The following RPSA2 variants were observed in gnomAD, a reference collection of about 807,000 sequenced individuals.
RPSA2 encodes the protein small ribosomal subunit protein uS2B.
chr19:23,865,233 G>T, the RPSA2 span, among the ~76,000 whole-genome samples: 2 of 152,168 alleles, frequency 1.3e-5, no homozygotes, highest in Non-Finnish European at 2.9e-5. Context: ...CGGTACCATG[G>T]GGCAGCATTT....
chr19:23,845,249 T>A, the RPSA2 span, among the ~76,000 whole-genome samples: 36 of 103,960 alleles, frequency 3.5e-4, no homozygotes, highest in African/African-American at 1.2e-3. Flanking sequence ...TTGGTTTTTA[T>A]TTCATTTGGT....
the RPSA2 span, chr19:23,833,104 A>G: frequency 3.0e-4 from 373 of 1,255,766 alleles, 3 homozygotes; most frequent in African/African-American, 5.2e-3. Context: ...AAGCTTTACT[A>G]AACATAAGGT....
chr19:23,857,104 C>G, the RPSA2 span, among the ~76,000 whole-genome samples: 1 of 152,102 alleles, frequency 6.6e-6, no homozygotes, highest in Non-Finnish European at 1.5e-5. Flanking sequence ...GTTTATAGAC[C>G]TCCCCCCAGG....
the RPSA2 span, among the ~76,000 whole-genome samples, chr19:23,855,863 C>T: frequency 1.3e-5 from 2 of 151,970 alleles, no homozygotes; most frequent in Non-Finnish European, 2.9e-5. Context: ...AGTTTGGTCC[C>T]AGAGCCATTA....
chr19:23,768,270 G>T, the RPSA2 span, among the ~76,000 whole-genome samples: 3 of 152,076 alleles, frequency 2.0e-5, no homozygotes, highest in Admixed American at 1.3e-4. Context: ...AGAGAAATAG[G>T]AAAAATCTTT....
At chr19:23,845,706 C>A in the RPSA2 span, among the ~76,000 whole-genome samples, 2 of 152,130 alleles carry the variant, frequency 1.3e-5, no homozygotes, top group African/African-American at 2.4e-5. Context: ...TTGCTCAGGC[C>A]GTCTCAAACT....
chr19:23,867,271 C>T, the RPSA2 span, among the ~76,000 whole-genome samples: 1 of 152,208 alleles, frequency 6.6e-6, no homozygotes, highest in South Asian at 2.1e-4. Context: ...GTAGGAGCAG[C>T]TCAAAGTGTT....
the RPSA2 span, among the ~76,000 whole-genome samples, chr19:23,822,240 T>A: frequency 6.6e-6 from 1 of 152,240 alleles, no homozygotes; most frequent in Admixed American, 6.5e-5. Flanking sequence ...TTGCAGGCGC[T>A]GAAGCTGGGT....
chr19:23,861,128 C>A, the RPSA2 span, among the ~76,000 whole-genome samples: 1 of 152,200 alleles, frequency 6.6e-6, no homozygotes, highest in Non-Finnish European at 1.5e-5. Context: ...TTACTTCACT[C>A]ATATCACATG....
At chr19:23,832,934 C>G in the RPSA2 span, 52 of 1,517,188 alleles carry the variant, frequency 3.4e-5, no homozygotes, top group East Asian at 1.3e-3. Flanking sequence ...TCAAGCTTTA[C>G]TAAACATAAG....
chr19:23,839,302 C>T, the RPSA2 span, among the ~76,000 whole-genome samples: 1 of 152,152 alleles, frequency 6.6e-6, no homozygotes, highest in African/African-American at 2.4e-5. Context: ...TGAGAGAGTT[C>T]TTGGTATAAT....
the RPSA2 span, among the ~76,000 whole-genome samples, chr19:23,810,529 C>T: frequency 1.3e-5 from 2 of 151,690 alleles, no homozygotes; most frequent in Non-Finnish European, 1.5e-5. Flanking sequence ...CAGGTTTCTG[C>T]AGTCGGGTCT....
the RPSA2 span, among the ~76,000 whole-genome samples, chr19:23,778,274 G>A: frequency 1.2e-4 from 18 of 152,120 alleles, no homozygotes; most frequent in Non-Finnish European, 7.3e-5. Flanking sequence ...ATGCAATGGC[G>A]CAATCTCGGC....
chr19:23,854,121 C>T, the RPSA2 span, among the ~76,000 whole-genome samples: 1 of 152,084 alleles, frequency 6.6e-6, no homozygotes, highest in Admixed American at 6.5e-5. Flanking sequence ...GCAACTGACT[C>T]ACTGACTGGA....
At chr19:23,832,366 G>C in the RPSA2 span, 1 of 486,170 alleles carries the variant, frequency 2.1e-6, no homozygotes, top group Non-Finnish European at 4.2e-6. Context: ...ACATAGGAGA[G>C]TCCATACTAG....
At chr19:23,863,730 T>G in the RPSA2 span, among the ~76,000 whole-genome samples, 2 of 152,188 alleles carry the variant, frequency 1.3e-5, no homozygotes, top group Non-Finnish European at 2.9e-5. Flanking sequence ...GCTGGACATA[T>G]GAGCCCTTAC....
chr19:23,852,777 G>C, the RPSA2 span, among the ~76,000 whole-genome samples: 1 of 152,180 alleles, frequency 6.6e-6, no homozygotes, highest in Non-Finnish European at 1.5e-5. Context: ...TGGGGGGCTT[G>C]CTCCCAATAG....
chr19:23,815,500 C>CAGTT, the RPSA2 span, among the ~76,000 whole-genome samples: 1 of 152,182 alleles, frequency 6.6e-6, no homozygotes, highest in African/African-American at 2.4e-5. Context: ...GTGACATGTA[C>CAGTT]AGTTACTCTT....
the RPSA2 span, among the ~76,000 whole-genome samples, chr19:23,834,727 T>C: frequency 6.6e-6 from 1 of 152,204 alleles, no homozygotes; most frequent in East Asian, 1.9e-4. Context: ...CATGAATCCA[T>C]TGAAATGTTA....
Sources: allele counts gnomAD v4.1 joint callset (sites outside exome capture counted in the v4.1 genomes callset), GRCh38; gene constraint gnomAD v4.1.1; transcripts MANE v1.5; gene names NCBI Gene and HGNC (gene_info 2026-07-23, HGNC 2026-07-21).